The following ATG16L1 variants were observed in gnomAD, a reference collection of about 807,000 sequenced individuals.
ATG16L1 encodes the protein autophagy-related protein 16-1.
ATG16L1 carries 37 observed loss-of-function variants against 88.5 expected under a neutral mutation model. That is an observed-to-expected ratio of 0.42 (90% CI 0.32 to 0.55). The LOEUF (loss-of-function observed/expected upper bound fraction) is 0.55. Ranked by LOEUF, ATG16L1 falls within the 20% of genes least tolerant of loss-of-function variation. The pLI is 0.13. For missense variants in ATG16L1, 554 were observed against 752.8 expected, an observed-to-expected ratio of 0.74 and a Z score of 3.09; for synonymous variants, 301 against 281.0, an observed-to-expected ratio of 1.07 and a Z score of -0.71.
In ATG16L1 at chr2:233,294,340, C is replaced by T. The variant is rs762432600; in HGVS notation, c.1814C>T (p.Ala605Val). 80 of 1,613,500 alleles carry T rather than the reference C, an allele frequency of 5.0e-5. No individual in the cohort carries two copies. The highest frequency in any genetic ancestry group is 6.6e-5 in the Non-Finnish European group (78 of 1,179,910). ...AAAGGATGCAAAGCTGTGCTGTGGG[C>T]ACAGTACTGACGGGGCTCTCAGGGC... is the stretch of plus-strand genomic sequence containing the variant. Reference protein sequence around the residue: ...VDKGCKAVLWAQY With the variant: ...VDKGCKAVLWVQY The change falls in exon 18 of 18, where the codon GCA (alanine) becomes GTA (valine). Residue 605 changes from alanine (A) to valine (V), a missense_variant. Ala to Val is a moderately conservative substitution (Grantham distance 64, BLOSUM62 0). This residue lies in a region of ATG16L1 where 370 missense variants were observed against 509.7 expected (regional missense o/e 0.73). Coordinates refer to ENST00000392017, the MANE Select transcript of ATG16L1 (RefSeq NM_030803.7).
chr2:233,291,646 C>T (rs1317977529), intron 14 of ATG16L1, among the ~76,000 whole-genome samples: 1 of 152,196 alleles, frequency 6.6e-6, no homozygotes, highest in Admixed American at 6.5e-5. Flanking sequence ...GGCCGTGGCT[C>T]TGCCCTGGCT....
intron 9 of ATG16L1, chr2:233,275,671 C>T (rs1698299310): frequency 2.0e-6 from 1 of 503,802 alleles, no homozygotes; most frequent in African/African-American, 1.9e-5. Context: ...GCATCAACGC[C>T]CCTTCCCAGT....
At chr2:233,256,927 C>G (rs1696825406) in intron 2 of ATG16L1, among the ~76,000 whole-genome samples, 1 of 152,278 alleles carries the variant, frequency 6.6e-6, no homozygotes, top group South Asian at 2.1e-4. Flanking sequence ...GTCTCGAACT[C>G]TTGACCTCAA....
chr2:233,262,443 T>A (rs1262534274), intron 2 of ATG16L1, among the ~76,000 whole-genome samples: 1 of 152,164 alleles, frequency 6.6e-6, no homozygotes, highest in Non-Finnish European at 1.5e-5. Flanking sequence ...CCCACAAGGC[T>A]CTGCATCATT....
intron 12 of ATG16L1, chr2:233,288,787 G>A (rs1183472872): frequency 3.9e-6 from 2 of 519,224 alleles, no homozygotes; most frequent in Admixed American, 3.9e-5. Flanking sequence ...ATGGGCAGAA[G>A]GGCAGCTGAC....
At chr2:233,273,141 T>G in intron 7 of ATG16L1, 89 bp downstream of exon 7, 1 of 1,084,484 alleles carries the variant, frequency 9.2e-7, no homozygotes, top group Non-Finnish European at 1.4e-6. Context: ...TGCAGTCAGA[T>G]GCACCCAACC....
Position 233,293,260 on chromosome 2 carries a change from G to A in ATG16L1, c.1633G>A (p.Asp545Asn). 1 of 1,614,044 alleles carries A rather than the reference G, an allele frequency of 6.2e-7. No homozygotes were observed. The change falls in exon 17 of 18, where the codon GAT becomes AAT. Residue 545 changes from aspartate (D) to asparagine (N), a missense_variant. By Grantham distance (23) the Asp-to-Asn change is conservative. Transcript: ENST00000392017. ...SDWTRVVFSP[D>N]GSYVAAGSAE... is the part of the protein sequence containing the mutation. Reference sequence around the variant, plus strand: ...TTTTCTTACTGTCTTCTGTAGCCCTGATGGCAGTTACGTGGCGGCAGGCTC... The same window carrying A: ...TTTTCTTACTGTCTTCTGTAGCCCTAATGGCAGTTACGTGGCGGCAGGCTC...
intron 12 of ATG16L1, chr2:233,282,955 A>G (rs1455567359): frequency 3.8e-6 from 2 of 531,436 alleles, no homozygotes; most frequent in Non-Finnish European, 6.9e-6. Flanking sequence ...AATATTTGCA[A>G]TGGGACCCTC....
intron 7 of ATG16L1, chr2:233,273,389 G>A (rs996794786): frequency 2.9e-5 from 14 of 482,990 alleles, no homozygotes; most frequent in African/African-American, 3.9e-5. Flanking sequence ...CGCCCGCACC[G>A]CCCTTCAAGA....
intron 10 of ATG16L1, among the ~76,000 whole-genome samples, chr2:233,278,284 A>G (rs962831104): frequency 1.3e-5 from 2 of 152,230 alleles, no homozygotes; most frequent in African/African-American, 4.8e-5. Flanking sequence ...ACCATCTCTT[A>G]GAAGTCTGAA....
Position 233,270,093 on chromosome 2 carries a change from CTG to C in ATG16L1, c.707+30_707+31del, listed in dbSNP as rs564579338. 442 of 1,538,306 alleles carry C rather than the reference CTG, an allele frequency of 2.9e-4. No homozygotes were observed. In the African/African-American group the frequency reaches 5.8e-3, roughly 20 times the overall value. Reference sequence around the variant, plus strand: ...GTAAGTAAAGATAAATGAATCAAAACTGTGTTTCTGAAAATTTGGCTCTCTTA... The same window carrying C: ...GTAAGTAAAGATAAATGAATCAAAACTGTTTCTGAAAATTTGGCTCTCTTA... On this transcript the variant is annotated intron_variant, in intron 6 of 17. Transcript: ENST00000392017.
At chr2:233,286,125 G>A (rs1574896263) in intron 12 of ATG16L1, among the ~76,000 whole-genome samples, 1 of 152,268 alleles carries the variant, frequency 6.6e-6, no homozygotes, top group East Asian at 1.9e-4. Flanking sequence ...GTTTCTGTTT[G>A]GAATGTTCCT....
chr2:233,294,341 A>G lies in ATG16L1; in HGVS notation c.1815A>G (p.Ala605=). 7 of 1,613,560 alleles carry G rather than the reference A, an allele frequency of 4.3e-6. No individual in the cohort carries two copies. Among genetic ancestry groups the G allele is most frequent in the Middle Eastern group, 1.7e-4 (1 of 6,060 alleles). ...VDKGCKAVLW[A]QY ...AAGGATGCAAAGCTGTGCTGTGGGC[A>G]CAGTACTGACGGGGCTCTCAGGGCT... The change falls in exon 18 of 18, where the codon GCA becomes GCG. Residue 605 remains alanine, a synonymous_variant. Coordinates refer to ENST00000392017, the MANE Select transcript of ATG16L1 (RefSeq NM_030803.7).
chr2:233,272,822 C>G, intron 6 of ATG16L1, 144 bp from the exon 7 acceptor site: 1 of 683,358 alleles, frequency 1.5e-6, no homozygotes, highest in Non-Finnish European at 2.6e-6. Context: ...GCAGCTCTTC[C>G]TTTTTCTCCA....
intron 1 of ATG16L1, among the ~76,000 whole-genome samples, chr2:233,255,621 A>G (rs540532142): frequency 2.2e-4 from 33 of 152,290 alleles, no homozygotes; most frequent in African/African-American, 4.6e-4. Flanking sequence ...TTCCTTCTGC[A>G]TGGCCCATCA....
chr2:233,290,769 C>T (rs949880794), intron 14 of ATG16L1, among the ~76,000 whole-genome samples: 1 of 152,208 alleles, frequency 6.6e-6, no homozygotes, highest in Non-Finnish European at 1.5e-5. Flanking sequence ...AGGAAAGCCA[C>T]TCAAACTTTT....
Position 233,263,237 on chromosome 2 carries a change from T to G in ATG16L1, c.315+2T>G, listed in dbSNP as rs756342940. The G allele has an allele frequency of 6.2e-7, 1 of 1,611,876 alleles. No homozygotes were observed. ...GAATTACACAAGAAACGTGGGGAGG[T>G]AAAGCTAGCCCTTTTCCTCATCTGT... On this transcript the variant is annotated splice_donor_variant, in intron 3 of 17. Transcript: ENST00000392017. LOFTEE classifies it high-confidence loss of function.
chr2:233,277,697 A>G, intron 10 of ATG16L1, 24 bp downstream of exon 10: 2 of 1,603,732 alleles, frequency 1.2e-6, no homozygotes, highest in Non-Finnish European at 1.7e-6. Context: ...GCATGTTCTC[A>G]GACTGAAAAC....
chr2:233,274,117 C>A, intron 8 of ATG16L1: 1 of 1,388,642 alleles, frequency 7.2e-7, no homozygotes, highest in Non-Finnish European at 1.0e-6. Flanking sequence ...CGCTTCACTG[C>A]CCTCAGTCAT....
Sources: gnomAD v4.1 joint callset for allele counts (sites outside exome capture counted in the v4.1 genomes callset) on GRCh38, gnomAD v4.1.1 for gene constraint, gnomAD v4.1.1 regional missense constraint, MANE v1.5 for transcripts, NCBI Gene and HGNC (gene_info 2026-07-23, HGNC 2026-07-21) for gene names.